CCM2: variants seen among roughly 807,000 people sequenced by gnomAD.
The protein encoded by CCM2 is CCM2 scaffold protein, also known as cerebral cavernous malformations 2 protein.
In CCM2, 25 loss-of-function variants were observed where a neutral mutation model predicts 44.9. The ratio of observed to expected loss-of-function variants is 0.56; its 90% CI spans 0.41 to 0.78. The LOEUF is 0.78. Ranked by LOEUF, CCM2 falls within the 30% of genes least tolerant of loss-of-function variation. The pLI, the probability that CCM2 is intolerant of heterozygous loss-of-function variation, is 0.00. For missense variants in CCM2, 481 were observed against 580.6 expected (o/e 0.83, Z 1.76); for synonymous variants, 219 against 241.1 (o/e 0.91, Z 0.85).
chr7:45,026,863 A>G (rs1796712247), intron 1 of CCM2, among the ~76,000 whole-genome samples: 1 of 152,248 alleles, frequency 6.6e-6, no homozygotes, highest in African/African-American at 2.4e-5. Flanking sequence ...TCAGCCTTCT[A>G]AAGTGCTGGG....
At chr7:45,046,003 C>A (rs1452205562) in intron 2 of CCM2, among the ~76,000 whole-genome samples, 8 of 152,158 alleles carry the variant, frequency 5.3e-5, no homozygotes, top group African/African-American at 1.9e-4. Flanking sequence ...TGGAGAGACA[C>A]ACTGAATTCA....
rs527716842 is a variant in CCM2 at position 45,076,314 on chromosome 7, G to T, written c.*257G>T. On this transcript the variant is annotated 3_prime_UTR_variant, in exon 10 of 10. Coordinates refer to ENST00000258781, the MANE Select transcript of CCM2 (RefSeq NM_031443.4). Reference sequence around the variant, plus strand: ...CAAGCCCTGCAGTGTGTCCCCGCTCGGGGAGGGCCCGGCCGAGCGGGCAGG... The same window carrying T: ...CAAGCCCTGCAGTGTGTCCCCGCTCTGGGAGGGCCCGGCCGAGCGGGCAGG... The T allele has an allele frequency of 2.0e-5, 13 of 664,420 alleles. No homozygotes were observed. The highest frequency in any genetic ancestry group is 3.6e-5 in the Non-Finnish European group (13 of 363,452). 41.2% of individuals were successfully genotyped at this position (664,420 alleles called of 1,614,324 possible).
intron 2 of CCM2, among the ~76,000 whole-genome samples, chr7:45,048,990 C>G (rs1412821473): frequency 6.6e-6 from 1 of 152,212 alleles, no homozygotes; most frequent in Admixed American, 6.5e-5. Flanking sequence ...GGGTCTCACT[C>G]TGTCACCCAG....
chr7:45,018,193 C>T (rs1477990469), intron 1 of CCM2, among the ~76,000 whole-genome samples: 1 of 152,156 alleles, frequency 6.6e-6, no homozygotes, highest in Non-Finnish European at 1.5e-5. Context: ...AGGCGGGGCT[C>T]AGGTGGTAAT....
chr7:45,058,177 G>A (rs1157393372), intron 2 of CCM2, among the ~76,000 whole-genome samples: 3 of 152,118 alleles, frequency 2.0e-5, no homozygotes, highest in African/African-American at 4.8e-5. Context: ...TATACTTTTT[G>A]TTTCCTTCTC....
chr7:45,040,982 G>A (rs1400158911), intron 2 of CCM2, among the ~76,000 whole-genome samples: 7 of 152,052 alleles, frequency 4.6e-5, no homozygotes, highest in Admixed American at 2.6e-4. Flanking sequence ...AGCGTGAGAC[G>A]CGGTCTTCAA....
intron 1 of CCM2, among the ~76,000 whole-genome samples, chr7:45,019,098 C>T (rs1250462630): frequency 8.2e-6 from 1 of 121,920 alleles, no homozygotes; most frequent in Non-Finnish European, 1.6e-5. Context: ...GGGTCTCACT[C>T]TGTTGGCCAG....
chr7:45,061,431 G>A (rs1798511316), intron 2 of CCM2, among the ~76,000 whole-genome samples: 2 of 151,054 alleles, frequency 1.3e-5, no homozygotes, highest in South Asian at 2.1e-4. Context: ...GAATGCTCTG[G>A]TCATGCCTTT....
intron 2 of CCM2, among the ~76,000 whole-genome samples, chr7:45,046,261 T>C (rs1355561754): frequency 6.6e-6 from 1 of 152,234 alleles, no homozygotes; most frequent in Non-Finnish European, 1.5e-5. Flanking sequence ...ATTCTTGAAA[T>C]TTAAATGGAG....
intron 2 of CCM2, among the ~76,000 whole-genome samples, chr7:45,039,210 G>T (rs537410726): frequency 2.0e-5 from 3 of 152,194 alleles, no homozygotes; most frequent in Non-Finnish European, 4.4e-5. Context: ...GGCTTTGGAC[G>T]TGCAGAAACC....
chr7:45,066,585 G>A (rs1798785102), intron 4 of CCM2, among the ~76,000 whole-genome samples: 1 of 152,178 alleles, frequency 6.6e-6, no homozygotes, highest in African/African-American at 2.4e-5. Flanking sequence ...CTGGTATTTG[G>A]GATAGCACAG....
chr7:45,053,707 C>T lies in CCM2; in HGVS notation c.205-10211C>T, dbSNP rs192800856. Among the ~76,000 whole-genome samples, 20 of 152,330 alleles carry T rather than the reference C, an allele frequency of 1.3e-4. No individual in the cohort carries two copies. In the East Asian group the frequency reaches 2.5e-3, roughly 19 times the overall value. On this transcript the variant is annotated intron_variant, in intron 2 of 9. Transcript: ENST00000258781. ...CACACCTGATGGTTAGCTTCCCCTT[C>T]GGAGGCTGGCCAGTACAGAGCTTCC...
In CCM2 at chr7:45,011,856, G is replaced by A. The variant is rs139345175; in HGVS notation, c.30+11493G>A. Among the ~76,000 whole-genome samples the A allele has an allele frequency of 6.0e-3, 913 of 152,212 alleles. 34 individuals are homozygous for A. The highest frequency in any genetic ancestry group is 0.055 in the Admixed American group (840 of 15,284). On this transcript the variant is annotated intron_variant, in intron 1 of 9. Transcript: ENST00000258781. ...GGTGTAAGCCATCGTGCCCTGCCCT[G>A]GCTAACTTTTTAAAAAGTTTTTGTA... is the stretch of plus-strand genomic sequence containing the variant.
In CCM2 at chr7:45,076,304, G is replaced by A. The variant is rs1040287200; in HGVS notation, c.*247G>A. On this transcript the variant is annotated 3_prime_UTR_variant, in exon 10 of 10. Coordinates refer to ENST00000258781, the MANE Select transcript of CCM2 (RefSeq NM_031443.4). ...AGGGCTCAGCCAAGCCCTGCAGTGT[G>A]TCCCCGCTCGGGGAGGGCCCGGCCG... The A allele has an allele frequency of 1.8e-5, 12 of 678,454 alleles. No homozygotes were observed. The African/African-American group carries it at 2.1e-4, about 12-fold the overall frequency. 42.0% of individuals were successfully genotyped at this position (678,454 alleles called of 1,614,324 possible). A position where few individuals can be genotyped will look rare whatever the true frequency, so the allele number is the denominator to read the frequency against.
chr7:45,070,359 TG>T (rs772187570), intron 6 of CCM2: 11 of 427,148 alleles, frequency 2.6e-5, no homozygotes, highest in Non-Finnish European at 3.3e-5. Context: ...GCCCAGACTA[TG>T]GCTGCTCTTA....
intron 2 of CCM2, among the ~76,000 whole-genome samples, chr7:45,042,267 A>AAAAAAAAAG (rs1554366981): frequency 6.6e-6 from 1 of 151,262 alleles, no homozygotes; most frequent in East Asian, 1.9e-4. Context: ...TTCCATCTCA[A>AAAAAAAAAG]AAAAAAAAGG....
chr7:45,066,225 C>G (rs1798766863), intron 4 of CCM2, among the ~76,000 whole-genome samples: 1 of 152,178 alleles, frequency 6.6e-6, no homozygotes, highest in Non-Finnish European at 1.5e-5. Flanking sequence ...TGGGGGCCAT[C>G]TTCCTTGTTT....
At chr7:45,009,402 GTTTT>G (rs66697662) in intron 1 of CCM2, among the ~76,000 whole-genome samples, 1 of 74,814 alleles carries the variant, frequency 1.3e-5, no homozygotes, top group Non-Finnish European at 2.3e-5. Context: ...GGCTATACTT[GTTTT>G]TTTTTTTTTT....
intron 1 of CCM2, among the ~76,000 whole-genome samples, chr7:45,003,295 C>G (rs1237835397): frequency 1.6e-4 from 24 of 151,874 alleles, no homozygotes; most frequent in Admixed American, 1.6e-3. Context: ...AGGCTAGTCT[C>G]AAACTCCGGA....
Sources: allele counts gnomAD v4.1 joint callset (sites outside exome capture counted in the v4.1 genomes callset), GRCh38; gene constraint gnomAD v4.1.1; transcripts MANE v1.5; gene names NCBI Gene and HGNC (gene_info 2026-07-23, HGNC 2026-07-21).